Variants in ZNF362 observed in about 807,000 individuals in gnomAD.
ZNF362 encodes the protein rotund homolog.
Under a neutral mutation model 42.9 loss-of-function variants are expected in ZNF362, and 11 were observed. The observed-to-expected ratio is 0.26, with a 90% CI of 0.16 to 0.42. The LOEUF (loss-of-function observed/expected upper bound fraction) is 0.42. ZNF362 is among the 20% of genes least tolerant of loss of function. The probability of loss-of-function intolerance (pLI) is 1.00; values close to 1 mark genes in which losing one functional copy is unlikely to be tolerated. For missense variants in ZNF362, 362 were observed against 576.2 expected (o/e 0.63, Z 3.81); for synonymous variants, 255 against 257.3 (o/e 0.99, Z 0.09).
the ZNF362 span, among the ~76,000 whole-genome samples, chr1:33,160,636 G>A: frequency 2.0e-5 from 3 of 151,832 alleles, no homozygotes; most frequent in Non-Finnish European, 4.4e-5. Flanking sequence ...AACACCTGAC[G>A]TTAGGTGATC....
At chr1:33,176,901 G>A in the ZNF362 span, among the ~76,000 whole-genome samples, 279 of 152,324 alleles carry the variant, frequency 1.8e-3, 3 homozygotes, top group Non-Finnish European at 2.8e-4. Context: ...GCAGTCCCAG[G>A]CATTCAGACT....
the ZNF362 span, among the ~76,000 whole-genome samples, chr1:33,226,724 G>A: frequency 6.6e-6 from 1 of 152,196 alleles, no homozygotes; most frequent in Non-Finnish European, 1.5e-5. Context: ...TATTAGCTGG[G>A]CATGGTGGCG....
chr1:33,149,690 A>G, the ZNF362 span, among the ~76,000 whole-genome samples: 4 of 152,200 alleles, frequency 2.6e-5, no homozygotes, highest in Non-Finnish European at 4.4e-5. Flanking sequence ...CCTGGCCTCA[A>G]GTGATCCTGC....
intron 1 of ZNF362, among the ~76,000 whole-genome samples, chr1:33,268,941 T>C (rs1370454554): frequency 6.6e-6 from 1 of 152,160 alleles, no homozygotes; most frequent in Non-Finnish European, 1.5e-5. Context: ...TGGGGGAACC[T>C]GTGAGCAGGC....
the ZNF362 span, among the ~76,000 whole-genome samples, chr1:33,220,245 A>G: frequency 2.0e-5 from 3 of 152,210 alleles, no homozygotes; most frequent in African/African-American, 7.2e-5. Context: ...ATCTGGTGCC[A>G]TGGCTAAGGC....
At chr1:33,289,875 G>A (rs1323523077) in intron 6 of ZNF362, among the ~76,000 whole-genome samples, 2 of 152,176 alleles carry the variant, frequency 1.3e-5, no homozygotes, top group African/African-American at 2.4e-5. Flanking sequence ...TGTTTCCTGC[G>A]AGGTGGGCCG....
At chr1:33,278,236 C>A (rs1276372194) in intron 4 of ZNF362, among the ~76,000 whole-genome samples, 1 of 152,166 alleles carries the variant, frequency 6.6e-6, no homozygotes, top group Non-Finnish European at 1.5e-5. Context: ...CCTTCCTTTG[C>A]CATATTTTTG....
At chr1:33,253,686 T>A (rs79443882), upstream of ZNF362, among the ~76,000 whole-genome samples, 5,118 of 152,236 alleles carry the variant, frequency 0.034, 108 homozygotes, top group African/African-American at 0.054. Flanking sequence ...TCTAAACTTC[T>A]GTGCCTTTGC....
chr1:33,271,977 T>G (rs1645907663), intron 2 of ZNF362, among the ~76,000 whole-genome samples: 1 of 152,094 alleles, frequency 6.6e-6, no homozygotes, highest in Admixed American at 6.5e-5. Context: ...GGTGGGGACT[T>G]CGGGCTTGGC....
chr1:33,207,364 G>A, the ZNF362 span, among the ~76,000 whole-genome samples: 85 of 152,222 alleles, frequency 5.6e-4, 2 homozygotes, highest in African/African-American at 2.0e-3. Context: ...TGGACATTTG[G>A]GTTGGTTCCA....
upstream of ZNF362, among the ~76,000 whole-genome samples, chr1:33,256,325 C>T (rs952414108): frequency 2.8e-5 from 4 of 144,252 alleles, no homozygotes; most frequent in African/African-American, 9.9e-5. Context: ...CGCGGGAGCC[C>T]CCGGGGCCGG....
At chr1:33,262,231 G>GTACT (rs1242136758) in intron 1 of ZNF362, among the ~76,000 whole-genome samples, 1 of 151,720 alleles carries the variant, frequency 6.6e-6, no homozygotes, top group Non-Finnish European at 1.5e-5. Context: ...GGCCACAAGG[G>GTACT]TACTCTTGGT....
rs1481072511 is a variant in ZNF362, at chr1:33,266,276, A to G, written c.-88-4211A>G. Among the ~76,000 whole-genome samples the G allele has an allele frequency of 1.3e-5, 2 of 152,178 alleles. No homozygotes were observed. The highest frequency in any genetic ancestry group is 4.8e-5 in the African/African-American group (2 of 41,438). ...GCAAACTCGTCTGTCTTCACGGCTC[A>G]CATGGAAAGACCCCTCCTCATCAAT... On this transcript the variant is annotated intron_variant, in intron 1 of 8. Transcript: ENST00000539719. This position sits in a 1 kb window ranked among gnomAD's most constrained non-coding sequence, Gnocchi z 4.3.
chr1:33,159,979 G>C, the ZNF362 span: 1 of 1,586,842 alleles, frequency 6.3e-7, no homozygotes, highest in Non-Finnish European at 8.6e-7. The surrounding 1 kb of genome is among the most constrained non-coding windows in gnomAD (Gnocchi z 4.2). Flanking sequence ...TATGGCTGGG[G>C]GAGCAGATGG....
At chr1:33,208,415 CT>C in the ZNF362 span, among the ~76,000 whole-genome samples, 1 of 152,010 alleles carries the variant, frequency 6.6e-6, no homozygotes, top group African/African-American at 2.4e-5. Flanking sequence ...TCTGTGGGCT[CT>C]TTTTTTGTTC....
At chr1:33,289,023 AG>A (rs1646054654) in intron 6 of ZNF362, among the ~76,000 whole-genome samples, 1 of 152,168 alleles carries the variant, frequency 6.6e-6, no homozygotes. Context: ...TGCCATGCAC[AG>A]GGACACAGGA....
the ZNF362 span, among the ~76,000 whole-genome samples, chr1:33,204,249 T>C: frequency 6.6e-6 from 1 of 152,180 alleles, no homozygotes; most frequent in Non-Finnish European, 1.5e-5. Context: ...CATTATGTCT[T>C]CTTGGTACCC....
intron 2 of ZNF362, chr1:33,275,316 T>A (rs574259454): frequency 1.0e-6 from 1 of 985,426 alleles, no homozygotes; most frequent in Non-Finnish European, 1.2e-6. Flanking sequence ...AGGCCTGCCA[T>A]GGAACTTGCC....
intron 6 of ZNF362, among the ~76,000 whole-genome samples, chr1:33,287,677 G>A (rs1646042650): frequency 6.6e-6 from 1 of 152,164 alleles, no homozygotes; most frequent in Non-Finnish European, 1.5e-5. Context: ...CATGCCTAAT[G>A]ATCATTGCAG....
Sources: allele counts gnomAD v4.1 joint callset (sites outside exome capture counted in the v4.1 genomes callset), GRCh38; gene constraint gnomAD v4.1.1; non-coding constraint Gnocchi (gnomAD v3.1); transcripts MANE v1.5; gene names NCBI Gene and HGNC (gene_info 2026-07-23, HGNC 2026-07-21).